The following OR2L13 variants were observed in gnomAD, a reference collection of about 807,000 sequenced individuals.
OR2L13 encodes the protein olfactory receptor family 2 subfamily L member 13.
In OR2L13, 14 loss-of-function variants were observed where a neutral mutation model predicts 15.3. The observed-to-expected ratio is 0.91, with a 90% CI of 0.60 to 1.43. OR2L13 has a LOEUF of 1.43. OR2L13 is among the 40% of genes most tolerant of loss of function. The pLI, the probability that OR2L13 is intolerant of heterozygous loss-of-function variation, is 0.00. For missense variants in OR2L13, 367 were observed against 387.9 expected (o/e 0.95, Z 0.45); for synonymous variants, 152 against 142.9 (o/e 1.06, Z -0.45).
exon 3 of OR2L13, chr1:248,099,789 G>A (rs778438420): frequency 3.3e-5 from 53 of 1,614,006 alleles, no homozygotes; most frequent in Non-Finnish European, 4.4e-5. Flanking sequence ...TGAGTAAAAT[G>A]ATGTGTGTGA....
chr1:247,942,719 G>C, the OR2L13 span, among the ~76,000 whole-genome samples: 1 of 152,068 alleles, frequency 6.6e-6, no homozygotes, highest in Non-Finnish European at 1.5e-5. Flanking sequence ...ATTTTTATTA[G>C]GGTAAATATA....
At chr1:248,036,655 A>G in the OR2L13 span, among the ~76,000 whole-genome samples, 1 of 152,066 alleles carries the variant, frequency 6.6e-6, no homozygotes, top group African/African-American at 2.4e-5. Context: ...TAAAAACTTC[A>G]TTCCTTTTAT....
chr1:247,961,880 C>T, the OR2L13 span, among the ~76,000 whole-genome samples: 60 of 152,266 alleles, frequency 3.9e-4, 1 homozygote, highest in African/African-American at 1.3e-3. Context: ...TCGTGTGTTT[C>T]TGAAAATGTA....
At chr1:248,090,474 G>C (rs1441184842), upstream of OR2L13, among the ~76,000 whole-genome samples, 1 of 152,036 alleles carries the variant, frequency 6.6e-6, no homozygotes, top group African/African-American at 2.4e-5. Context: ...GGTGTCTGTT[G>C]TTCCTGTCTG....
At chr1:247,978,081 A>C in the OR2L13 span, among the ~76,000 whole-genome samples, 1 of 152,132 alleles carries the variant, frequency 6.6e-6, no homozygotes, top group Non-Finnish European at 1.5e-5. Context: ...TGTGTCTTAC[A>C]AGAGGATTAT....
At chr1:248,021,665 AAGAT>A in the OR2L13 span, among the ~76,000 whole-genome samples, 3 of 152,248 alleles carry the variant, frequency 2.0e-5, no homozygotes, top group Non-Finnish European at 4.4e-5. Flanking sequence ...GAAAAAGAAA[AAGAT>A]AGAAACTGCA....
chr1:247,966,387 G>T, the OR2L13 span: 103,476 of 1,523,876 alleles, frequency 0.068, 4,040 homozygotes, highest in Admixed American at 0.12. Flanking sequence ...TATCTGGAAA[G>T]ATATAAATAT....
the OR2L13 span, among the ~76,000 whole-genome samples, chr1:247,984,129 T>C: frequency 6.6e-6 from 1 of 152,192 alleles, no homozygotes. Flanking sequence ...CAAAGTCATA[T>C]AAACTTGCCT....
chr1:248,069,768 G>T, the OR2L13 span, among the ~76,000 whole-genome samples: 1 of 152,212 alleles, frequency 6.6e-6, no homozygotes, highest in Non-Finnish European at 1.5e-5. Context: ...CAAAATAAAA[G>T]GGCGGAGGAA....
At chr1:248,068,961 A>T in the OR2L13 span, among the ~76,000 whole-genome samples, 1 of 152,212 alleles carries the variant, frequency 6.6e-6, no homozygotes, top group Admixed American at 6.5e-5. Flanking sequence ...CCTCCAAGAA[A>T]TATGGGACTA....
At chr1:247,947,360 G>A in the OR2L13 span, among the ~76,000 whole-genome samples, 11 of 152,202 alleles carry the variant, frequency 7.2e-5, no homozygotes, top group East Asian at 9.6e-4. Context: ...AATCTTCCTC[G>A]TACATGTTGT....
chr1:248,078,761 A>G, the OR2L13 span, among the ~76,000 whole-genome samples: 1 of 152,170 alleles, frequency 6.6e-6, no homozygotes, highest in Admixed American at 6.5e-5. Flanking sequence ...CTTTGGTACA[A>G]TTAGACACTA....
At chr1:247,960,762 G>T in the OR2L13 span, among the ~76,000 whole-genome samples, 2 of 152,218 alleles carry the variant, frequency 1.3e-5, no homozygotes, top group Admixed American at 6.5e-5. Flanking sequence ...TAATCTCCTG[G>T]TGTGCCATTT....
At chr1:248,021,957 T>C in the OR2L13 span, 1 of 1,612,524 alleles carries the variant, frequency 6.2e-7, no homozygotes, top group Admixed American at 1.7e-5. Context: ...CATGGAAAAT[T>C]ACAATCAAAC....
the OR2L13 span, among the ~76,000 whole-genome samples, chr1:247,993,760 G>GAGAGAGA: frequency 1.9e-5 from 1 of 53,710 alleles, no homozygotes; most frequent in East Asian, 4.6e-4. Context: ...ACAGAGAGAG[G>GAGAGAGA]GGGAGAGAGA....
chr1:248,061,570 A>G, the OR2L13 span: 13 of 1,613,534 alleles, frequency 8.1e-6, no homozygotes, highest in African/African-American at 1.2e-4. Context: ...CAAGGAGGTG[A>G]TGGGGGCCCT....
chr1:248,054,295 C>T, the OR2L13 span, among the ~76,000 whole-genome samples: 1 of 152,018 alleles, frequency 6.6e-6, no homozygotes, highest in Non-Finnish European at 1.5e-5. Flanking sequence ...TCTGAGTTTT[C>T]TATTCTGTTC....
chr1:247,993,611 GTAAAAAGT>G, the OR2L13 span, among the ~76,000 whole-genome samples: 3 of 152,030 alleles, frequency 2.0e-5, no homozygotes, highest in African/African-American at 7.2e-5. Flanking sequence ...TATGGGATAT[GTAAAAAGT>G]TTGTTGTATG....
the OR2L13 span, among the ~76,000 whole-genome samples, chr1:248,028,695 A>T: frequency 6.6e-6 from 1 of 152,218 alleles, no homozygotes; most frequent in Non-Finnish European, 1.5e-5. Context: ...GGAAACTCTC[A>T]GGAGATCTGG....
Sources: gnomAD v4.1 joint callset for allele counts (sites outside exome capture counted in the v4.1 genomes callset) on GRCh38, gnomAD v4.1.1 for gene constraint, MANE v1.5 for transcripts, NCBI Gene and HGNC (gene_info 2026-07-23, HGNC 2026-07-21) for gene names.